The following CEMIP2 variants were observed in gnomAD, a reference collection of about 807,000 sequenced individuals.
The protein encoded by CEMIP2 is cell surface hyaluronidase CEMIP2.
A neutral mutation model predicts 146.9 loss-of-function variants in CEMIP2; 79 were observed. That is an observed-to-expected ratio of 0.54 (90% confidence interval 0.45 to 0.65). The LOEUF (loss-of-function observed/expected upper bound fraction) is 0.65, where lower values mean the gene tolerates loss of function less well. Among genes scored for constraint, CEMIP2 ranks in the 30% least tolerant of loss-of-function variants. CEMIP2 has a pLI of 0.00. For synonymous variants in CEMIP2, 601 were observed against 606.3 expected (o/e 0.99, Z 0.13); for missense variants, 1,596 against 1,696.2 (o/e 0.94, Z 1.04).
chr9:71,689,807 G>A (rs554106010), intron 22 of CEMIP2, among the ~76,000 whole-genome samples: 6 of 152,274 alleles, frequency 3.9e-5, no homozygotes, highest in Admixed American at 1.3e-4. Context: ...TAAAAAGTGG[G>A]ATAGTAATGT....
At chr9:71,749,394 A>ACG (rs1824179995) in intron 2 of CEMIP2, among the ~76,000 whole-genome samples, 2 of 151,932 alleles carry the variant, frequency 1.3e-5, no homozygotes, top group South Asian at 4.2e-4. Context: ...ATAGTTCACT[A>ACG]TACGTATGAC....
intron 1 of CEMIP2, among the ~76,000 whole-genome samples, chr9:71,765,878 T>A (rs1038106397): frequency 2.6e-5 from 4 of 152,112 alleles, no homozygotes; most frequent in African/African-American, 9.7e-5. Flanking sequence ...AAGCAGGTGT[T>A]GCAATTGCTT....
At chr9:71,723,723 CT>C (rs1220335253) in intron 11 of CEMIP2, among the ~76,000 whole-genome samples, 2 of 152,118 alleles carry the variant, frequency 1.3e-5, no homozygotes, top group Non-Finnish European at 2.9e-5. Context: ...CCAACCTGGA[CT>C]AGTACAGATT....
rs36080695 is a variant in CEMIP2, at chr9:71,685,395, T to TAAAAAAAAAAAA, written c.3956-14_3956-3dup. 7.0e-5 allele frequency: 83 copies of TAAAAAAAAAAAA among 1,178,850 alleles called. No homozygotes were observed. Among genetic ancestry groups the TAAAAAAAAAAAA allele is most frequent in the East Asian group, 4.3e-4 (13 of 30,384 alleles). The allele number at this position is 1,178,850 out of a possible 1,614,324, so 73.0% of individuals were successfully genotyped here. On this transcript the variant is annotated splice_region_variant and splice_polypyrimidine_tract_variant and intron_variant, in intron 23 of 23. Coordinates refer to ENST00000377044, the MANE Select transcript of CEMIP2 (RefSeq NM_013390.3). ...TGAATCCCAAAAATATGGTACTCCC[T>TAAAAAAAAAAAA]AAAAAAAAAAAAAAAAAAGAAAAAG...
chr9:71,688,581 T>G (rs750752803), intron 22 of CEMIP2, among the ~76,000 whole-genome samples: 11 of 151,752 alleles, frequency 7.2e-5, no homozygotes, highest in Non-Finnish European at 1.5e-4. Context: ...AGAGATGAGG[T>G]TTCACCATGT....
At chr9:71,743,653 G>A (rs931099405) in intron 4 of CEMIP2, among the ~76,000 whole-genome samples, 15 of 152,054 alleles carry the variant, frequency 9.9e-5, no homozygotes, top group Admixed American at 1.3e-4. Context: ...CTCACTGTAT[G>A]ATCATCATCT....
intron 21 of CEMIP2, among the ~76,000 whole-genome samples, chr9:71,691,953 A>T (rs974410993): frequency 2.0e-5 from 3 of 151,974 alleles, no homozygotes; most frequent in African/African-American, 4.8e-5. Context: ...TACTAAAAAT[A>T]AAAAAATTAG....
At chr9:71,755,003 C>T (rs1173918790) in intron 1 of CEMIP2, among the ~76,000 whole-genome samples, 1 of 152,008 alleles carries the variant, frequency 6.6e-6, no homozygotes, top group African/African-American at 2.4e-5. Flanking sequence ...TAAAAACTCA[C>T]TGTTATTTTA....
At chr9:71,755,843 T>G (rs1824419343) in intron 1 of CEMIP2, among the ~76,000 whole-genome samples, 1 of 151,350 alleles carries the variant, frequency 6.6e-6, no homozygotes, top group African/African-American at 2.4e-5. Flanking sequence ...GTGCCTTTAG[T>G]CCTAGCTACT....
chr9:71,725,007 G>A (rs555291018), intron 11 of CEMIP2, among the ~76,000 whole-genome samples: 12 of 144,122 alleles, frequency 8.3e-5, no homozygotes, highest in African/African-American at 2.4e-4. Flanking sequence ...CAGGTTACAC[G>A]TGCATGTATG....
At chr9:71,711,288 G>A (rs931776028) in intron 16 of CEMIP2, among the ~76,000 whole-genome samples, 3 of 152,048 alleles carry the variant, frequency 2.0e-5, no homozygotes, top group Admixed American at 6.5e-5. Context: ...TCAGCCAGAT[G>A]CAGTGGCTCA....
chr9:71,742,732 T>C (rs955394942), intron 4 of CEMIP2, among the ~76,000 whole-genome samples: 2 of 152,204 alleles, frequency 1.3e-5, no homozygotes, highest in African/African-American at 2.4e-5. Flanking sequence ...AAAGTAGGTA[T>C]CTAACTTAGA....
At chr9:71,739,688 C>T (rs1823860432) in intron 5 of CEMIP2, among the ~76,000 whole-genome samples, 2 of 152,174 alleles carry the variant, frequency 1.3e-5, no homozygotes, top group African/African-American at 4.8e-5. Context: ...AACTCACAGC[C>T]CGTGGGCCAC....
chr9:71,709,575 G>T, intron 16 of CEMIP2, 101 bp from the exon 17 acceptor site: 1 of 955,544 alleles, frequency 1.0e-6, no homozygotes. Context: ...ATTGCTTTAA[G>T]GTTAGAGCAG....
At chr9:71,744,409 C>T (rs1824013835) in intron 4 of CEMIP2, among the ~76,000 whole-genome samples, 1 of 151,478 alleles carries the variant, frequency 6.6e-6, no homozygotes, top group Non-Finnish European at 1.5e-5. Flanking sequence ...GGTACAAGAA[C>T]CATAAATAGC....
chr9:71,750,145 TTTGCTTTTGACTTTCTCTCTGGGC>T lies in CEMIP2; in HGVS notation c.205_228del (p.Ala69_Gln76del), dbSNP rs753342648. On this transcript the variant is annotated inframe_deletion, in exon 2 of 24. Transcript: ENST00000377044. The stretch of plus-strand genomic sequence containing the variant: ...CAAATGAAAGTATTTTTGTGTCTCT[TTTGCTTTTGACTTTCTCTCTGGGC>T]TTGCTGTTCTTCAGGTGAGAATGCG... The T allele has an allele frequency of 4.3e-6, 7 of 1,613,984 alleles. No homozygotes were observed. In the South Asian group the frequency reaches 6.6e-5, roughly 15 times the overall value.
intron 11 of CEMIP2, among the ~76,000 whole-genome samples, chr9:71,725,311 G>A (rs1823350878): frequency 6.6e-6 from 1 of 152,114 alleles, no homozygotes; most frequent in South Asian, 2.1e-4. Flanking sequence ...AAGAGCTTGA[G>A]GCAGCAAATT....
Position 71,745,269 on chromosome 9 carries a change from C to T in CEMIP2, c.783G>A (p.Lys261=). 6.2e-7 allele frequency: 1 copy of T among 1,614,060 alleles called. No individual in the cohort carries two copies. The highest frequency in any genetic ancestry group is 1.1e-5 in the South Asian group (1 of 91,076). Residue 261 remains lysine, a synonymous_variant, in exon 4 of 24, where the codon AAG becomes AAA. Coordinates refer to ENST00000377044, the MANE Select transcript of CEMIP2 (RefSeq NM_013390.3). ...GLPFGSYTFE[K]DFSRGLNVRV... is the part of the protein sequence containing the mutation. ...TCACATTGAGGCCCCGGGAAAAGTC[C>T]TTTTCAAAGGTATAGGACCCAAAGG...
In CEMIP2 at chr9:71,685,162, T is replaced by A; in HGVS notation, c.*35A>T. 6.6e-7 allele frequency: 1 copy of A among 1,526,280 alleles called. No individual in the cohort carries two copies. Among genetic ancestry groups the A allele is most frequent in the East Asian group, 2.3e-5 (1 of 42,912 alleles). The allele number at this position is 1,526,280 out of a possible 1,614,324, so 94.5% of individuals were successfully genotyped here. On this transcript the variant is annotated 3_prime_UTR_variant, in exon 24 of 24. Coordinates refer to ENST00000377044, the MANE Select transcript of CEMIP2 (RefSeq NM_013390.3). ...ATAAATTAAATAAGTTAGTTCACAT[T>A]TTTTTTCCCCCAGCACTTAAGTTAC...
Sources: allele counts gnomAD v4.1 joint callset (sites outside exome capture counted in the v4.1 genomes callset), GRCh38; gene constraint gnomAD v4.1.1; transcripts MANE v1.5; gene names NCBI Gene and HGNC (gene_info 2026-07-23, HGNC 2026-07-21).